The following ADAMTS6 variants were observed in gnomAD, a reference collection of about 807,000 sequenced individuals.
The protein encoded by ADAMTS6 is ADAM metallopeptidase with thrombospondin type 1 motif 6, also known as A disintegrin and metalloproteinase with thrombospondin motifs 6.
Under a neutral mutation model 144.3 loss-of-function variants are expected in ADAMTS6, and 23 were observed. That is an observed-to-expected ratio of 0.16 (90% CI 0.11 to 0.23). The LOEUF is 0.23. Ranked by LOEUF, ADAMTS6 falls within the 10% of genes least tolerant of loss-of-function variation. The probability of loss-of-function intolerance (pLI) is 1.00; values close to 1 mark genes in which losing one functional copy is unlikely to be tolerated. For synonymous variants in ADAMTS6, 444 were observed against 457.5 expected, an observed-to-expected ratio of 0.97 and a Z score of 0.38; for missense variants, 999 against 1,379.6, an observed-to-expected ratio of 0.72 and a Z score of 4.37.
At chr5:65,180,476 T>C (rs1754276668) in intron 22 of ADAMTS6, among the ~76,000 whole-genome samples, 1 of 152,134 alleles carries the variant, frequency 6.6e-6, no homozygotes, top group Non-Finnish European at 1.5e-5. Flanking sequence ...AATCCATCAC[T>C]AGATCTTATT....
chr5:65,379,580 C>T (rs966212756), intron 7 of ADAMTS6, among the ~76,000 whole-genome samples: 1 of 152,112 alleles, frequency 6.6e-6, no homozygotes, highest in African/African-American at 2.4e-5. Flanking sequence ...AACTGATTTT[C>T]TTTCTTTTCT....
chr5:65,256,070 C>T (rs1458334949), intron 14 of ADAMTS6, among the ~76,000 whole-genome samples: 2 of 152,126 alleles, frequency 1.3e-5, no homozygotes, highest in Admixed American at 6.6e-5. Context: ...ATAAAATTTA[C>T]AATCTTCTTT....
At chr5:65,360,578 A>G (rs16893729) in intron 7 of ADAMTS6, among the ~76,000 whole-genome samples, 7,667 of 152,234 alleles carry the variant, frequency 0.05, 661 homozygotes, top group African/African-American at 0.17. Flanking sequence ...AAACAAGTCA[A>G]TGTGTTATAA....
At chr5:65,355,039 G>T (rs536128720) in intron 7 of ADAMTS6, among the ~76,000 whole-genome samples, 1 of 151,670 alleles carries the variant, frequency 6.6e-6, no homozygotes, top group African/African-American at 2.4e-5. Context: ...TTTTAGTCTC[G>T]TGAGTCCTGT....
chr5:65,160,780 G>T (rs1446636563), intron 24 of ADAMTS6, among the ~76,000 whole-genome samples: 6 of 151,074 alleles, frequency 4.0e-5, no homozygotes, highest in Non-Finnish European at 5.9e-5. Context: ...AGCCTCCCAA[G>T]TAGCTGGGAT....
At chr5:65,373,130 C>T (rs2150123323) in intron 7 of ADAMTS6, among the ~76,000 whole-genome samples, 1 of 151,446 alleles carries the variant, frequency 6.6e-6, no homozygotes, top group East Asian at 2.0e-4. Context: ...AAATTTATAG[C>T]ACTAAATGCC....
intron 15 of ADAMTS6, among the ~76,000 whole-genome samples, chr5:65,235,757 T>C (rs1457753938): frequency 6.6e-6 from 1 of 152,192 alleles, no homozygotes; most frequent in South Asian, 2.1e-4. Context: ...TCGTGTGAAC[T>C]AATACTTAAT....
intron 9 of ADAMTS6, among the ~76,000 whole-genome samples, chr5:65,320,135 G>A (rs1280234014): frequency 6.6e-6 from 1 of 152,220 alleles, no homozygotes; most frequent in South Asian, 2.1e-4. Context: ...AAGCCATCGC[G>A]CCTGGCCACC....
chr5:65,324,736 C>G (rs538274600), intron 9 of ADAMTS6, among the ~76,000 whole-genome samples: 2 of 152,106 alleles, frequency 1.3e-5, no homozygotes, highest in African/African-American at 4.8e-5. Context: ...TTTGAACAGA[C>G]ACTTCAAAGA....
At chr5:65,160,944 G>T (rs1195078324) in intron 24 of ADAMTS6, among the ~76,000 whole-genome samples, 1 of 152,106 alleles carries the variant, frequency 6.6e-6, no homozygotes, top group African/African-American at 2.4e-5. Context: ...GAGCCACCAT[G>T]CCCGGCCTCT....
At chr5:65,263,414 T>TAAAAAAAAAAA (rs747254767) in intron 12 of ADAMTS6, among the ~76,000 whole-genome samples, 1 of 123,266 alleles carries the variant, frequency 8.1e-6, no homozygotes, top group Non-Finnish European at 1.8e-5. Context: ...TGCTCTTTCT[T>TAAAAAAAAAAA]AAAAAAAAAA....
intron 24 of ADAMTS6, among the ~76,000 whole-genome samples, chr5:65,170,201 T>A (rs545870878): frequency 6.6e-6 from 1 of 152,334 alleles, no homozygotes; most frequent in South Asian, 2.1e-4. Flanking sequence ...TTTCATTATA[T>A]GTATAACAAG....
chr5:65,410,078 T>G (rs904237405), intron 7 of ADAMTS6, among the ~76,000 whole-genome samples: 1 of 152,102 alleles, frequency 6.6e-6, no homozygotes, highest in African/African-American at 2.4e-5. Flanking sequence ...CTAAAAACAC[T>G]TGTGCTTGAG....
At chr5:65,212,423 CTTTTTTTTTT>C (rs397881866) in intron 20 of ADAMTS6, among the ~76,000 whole-genome samples, 6 of 107,860 alleles carry the variant, frequency 5.6e-5, no homozygotes, top group South Asian at 3.7e-4. Flanking sequence ...TTTTCTCTCT[CTTTTTTTTTT>C]TTTTTTTTTT....
intron 7 of ADAMTS6, among the ~76,000 whole-genome samples, chr5:65,432,155 G>C (rs995545521): frequency 6.6e-6 from 1 of 151,852 alleles, no homozygotes; most frequent in Admixed American, 6.6e-5. Context: ...ATTTGTAGTG[G>C]GGTAGGGTAC....
chr5:65,406,579 G>C (rs1458230672), intron 7 of ADAMTS6, among the ~76,000 whole-genome samples: 1 of 152,090 alleles, frequency 6.6e-6, no homozygotes, highest in Non-Finnish European at 1.5e-5. Context: ...TTGCATTGAT[G>C]TTCATCAGGG....
chr5:65,460,985 T>A (rs1759604101), intron 3 of ADAMTS6, among the ~76,000 whole-genome samples: 2 of 152,186 alleles, frequency 1.3e-5, no homozygotes, highest in South Asian at 4.1e-4. Context: ...TGTTCTTAAT[T>A]AACACACATC....
chr5:65,197,578 T>G (rs143532740), intron 20 of ADAMTS6, among the ~76,000 whole-genome samples: 1 of 152,248 alleles, frequency 6.6e-6, no homozygotes, highest in Non-Finnish European at 1.5e-5. Context: ...AATTTACTTT[T>G]TGATATTTTG....
chr5:65,295,045 T>C (rs1208347592), intron 10 of ADAMTS6, among the ~76,000 whole-genome samples: 1 of 152,112 alleles, frequency 6.6e-6, no homozygotes, highest in African/African-American at 2.4e-5. Flanking sequence ...AATCTAATTG[T>C]AGCCTGTTCA....
Sources: gnomAD v4.1 joint callset for allele counts (sites outside exome capture counted in the v4.1 genomes callset) on GRCh38, gnomAD v4.1.1 for gene constraint, MANE v1.5 for transcripts, NCBI Gene and HGNC (gene_info 2026-07-23, HGNC 2026-07-21) for gene names.